Variants in DLG2 observed in about 807,000 individuals in gnomAD.
The protein encoded by DLG2 is discs large MAGUK scaffold protein 2.
DLG2 carries 45 observed loss-of-function variants against 132.5 expected under a neutral mutation model. The ratio of observed to expected loss-of-function variants is 0.34; its 90% CI spans 0.27 to 0.44. DLG2 has a LOEUF of 0.44. Ranked by LOEUF, DLG2 falls within the 20% of genes least tolerant of loss-of-function variation. The probability of loss-of-function intolerance (pLI) is 1.00; values close to 1 mark genes in which losing one functional copy is unlikely to be tolerated. For missense variants in DLG2, 1,045 were observed against 1,196.9 expected, an observed-to-expected ratio of 0.87 and a Z score of 1.87; for synonymous variants, 424 against 419.6, an observed-to-expected ratio of 1.01 and a Z score of -0.13.
intron 3 of DLG2, among the ~76,000 whole-genome samples, chr11:85,485,858 T>G (rs1390015750): frequency 6.6e-6 from 1 of 152,162 alleles, no homozygotes; most frequent in African/African-American, 2.4e-5. Context: ...CTGAGAACTT[T>G]GCTGCTTAGA....
chr11:84,837,993 G>A (rs2080053561), intron 6 of DLG2, among the ~76,000 whole-genome samples: 1 of 151,808 alleles, frequency 6.6e-6, no homozygotes, highest in Non-Finnish European at 1.5e-5. Flanking sequence ...GGATCATGAT[G>A]CATGTCAAAG....
At chr11:84,082,922 G>A (rs928774441) in intron 10 of DLG2, among the ~76,000 whole-genome samples, 20 of 152,142 alleles carry the variant, frequency 1.3e-4, no homozygotes, top group African/African-American at 4.8e-4. Flanking sequence ...ATAGAATGGT[G>A]GTATATTAAG....
intron 11 of DLG2, among the ~76,000 whole-genome samples, chr11:84,016,848 T>A (rs574789429): frequency 7.2e-5 from 11 of 152,054 alleles, no homozygotes; most frequent in African/African-American, 2.2e-4. Flanking sequence ...AAGATTTACA[T>A]AGAATCTGAG....
In DLG2 at chr11:84,025,107, A is replaced by G. The variant is rs1862044328; in HGVS notation, c.919+34208T>C. Among the ~76,000 whole-genome samples the G allele has an allele frequency of 1.3e-5, 2 of 152,182 alleles. 1 individual carries two copies. Among genetic ancestry groups the G allele is most frequent in the South Asian group, 4.1e-4 (2 of 4,832 alleles). On this transcript the variant is annotated intron_variant, in intron 11 of 27. Transcript: ENST00000376104. ...AGACTATTCAGTGTATCTGTTTGTCATTCACAGGACCTTTTAGTTGTAGGT... is the reference window on the plus strand; with the variant it reads ...AGACTATTCAGTGTATCTGTTTGTCGTTCACAGGACCTTTTAGTTGTAGGT...
chr11:83,626,690 G>A (rs114690694), intron 19 of DLG2, among the ~76,000 whole-genome samples: 2,106 of 152,268 alleles, frequency 0.014, 53 homozygotes, highest in African/African-American at 0.048. Context: ...GAAGAATGCC[G>A]AGGGGAAATA....
chr11:84,648,322 G>A (rs1466263368), intron 6 of DLG2, among the ~76,000 whole-genome samples: 1 of 152,086 alleles, frequency 6.6e-6, no homozygotes, highest in Non-Finnish European at 1.5e-5. Flanking sequence ...TAGTGCAAAG[G>A]GCACCTGCAT....
Position 85,492,336 on chromosome 11 carries a change from T to C in DLG2, c.40+106321A>G, listed in dbSNP as rs549743171. 8.5e-5 allele frequency among the ~76,000 whole-genome samples: 13 copies of C among 152,302 alleles called. No homozygotes were observed. The East Asian group carries it at 2.3e-3, about 27-fold the overall frequency. The stretch of plus-strand genomic sequence containing the variant: ...GCATTTCTCAATCAAAAAATTGTAA[T>C]TGCTATTAATTACAATGAAGCCATT... On this transcript the variant is annotated intron_variant, in intron 3 of 27. Transcript: ENST00000376104.
chr11:85,283,975 T>C (rs1471867467), intron 4 of DLG2, among the ~76,000 whole-genome samples: 3 of 151,750 alleles, frequency 2.0e-5, no homozygotes, highest in East Asian at 3.9e-4. Flanking sequence ...TAGATTTGAA[T>C]GAAGATCTGC....
At chr11:84,245,348 A>G (rs867184014) in intron 8 of DLG2, among the ~76,000 whole-genome samples, 1 of 152,194 alleles carries the variant, frequency 6.6e-6, no homozygotes, top group African/African-American at 2.4e-5. Flanking sequence ...TGTTGCTGAT[A>G]TTATATGATA....
chr11:84,909,557 T>C (rs907834664), intron 6 of DLG2, among the ~76,000 whole-genome samples: 2 of 152,184 alleles, frequency 1.3e-5, no homozygotes, highest in African/African-American at 2.4e-5. Flanking sequence ...AAAGCAATCA[T>C]TGAGTACATT....
At chr11:84,160,375 C>A (rs1424015179) in intron 9 of DLG2, among the ~76,000 whole-genome samples, 2 of 152,092 alleles carry the variant, frequency 1.3e-5, no homozygotes, top group Non-Finnish European at 2.9e-5. Context: ...TCAAATCCTG[C>A]TAAGAAGTCA....
intron 6 of DLG2, among the ~76,000 whole-genome samples, chr11:85,033,129 T>C (rs2061162234): frequency 6.6e-6 from 1 of 152,174 alleles, no homozygotes; most frequent in South Asian, 2.1e-4. Flanking sequence ...CTGTTTTTTG[T>C]CTGTGGTTCT....
At chr11:83,790,822 C>A in intron 17 of DLG2, 1 of 754,636 alleles carries the variant, frequency 1.3e-6, no homozygotes, top group Non-Finnish European at 2.4e-6. Context: ...TGAGAAGGAA[C>A]CACAGAGACT....
At chr11:83,548,072 C>T (rs2096283381) in intron 19 of DLG2, among the ~76,000 whole-genome samples, 1 of 152,042 alleles carries the variant, frequency 6.6e-6, no homozygotes, top group Non-Finnish European at 1.5e-5. Context: ...AGAAGCATGT[C>T]ATTGGAAACT....
At chr11:85,617,234 A>G (rs1465980258) in intron 2 of DLG2, among the ~76,000 whole-genome samples, 3 of 152,200 alleles carry the variant, frequency 2.0e-5, no homozygotes, top group African/African-American at 7.2e-5. Context: ...TGTCACTGCT[A>G]TCGATGATGA....
chr11:85,622,270 A>G (rs1176943909), intron 2 of DLG2, among the ~76,000 whole-genome samples: 1 of 152,170 alleles, frequency 6.6e-6, no homozygotes, highest in African/African-American at 2.4e-5. Flanking sequence ...CCCAGTGCAT[A>G]TATACCGTAG....
chr11:83,782,412 G>A (rs2094866739), intron 18 of DLG2, among the ~76,000 whole-genome samples: 1 of 152,182 alleles, frequency 6.6e-6, no homozygotes, highest in Non-Finnish European at 1.5e-5. Context: ...AGCTCCTAGT[G>A]CTGTCTAGGA....
At chr11:83,472,822 T>A in intron 22 of DLG2, 45 bp from the exon 23 acceptor site, 1 of 1,525,286 alleles carries the variant, frequency 6.6e-7, no homozygotes, top group South Asian at 1.1e-5. Context: ...AACAGTCATA[T>A]ATTACAGAGA....
intron 6 of DLG2, among the ~76,000 whole-genome samples, chr11:84,815,884 C>G (rs1484035970): frequency 6.6e-6 from 1 of 151,966 alleles, no homozygotes. Context: ...CATCTTGAGC[C>G]TAAAGTGCAT....
Sources: allele counts gnomAD v4.1 joint callset (sites outside exome capture counted in the v4.1 genomes callset), GRCh38; gene constraint gnomAD v4.1.1; transcripts MANE v1.5; gene names NCBI Gene and HGNC (gene_info 2026-07-23, HGNC 2026-07-21).